Variants in PRKCE observed in about 807,000 individuals in gnomAD.
The protein encoded by PRKCE is protein kinase C epsilon.
In PRKCE, 16 loss-of-function variants were observed where a neutral mutation model predicts 85.4. That is an observed-to-expected ratio of 0.19 (90% CI 0.13 to 0.28). The LOEUF (loss-of-function observed/expected upper bound fraction) is 0.28, where lower values mean the gene tolerates loss of function less well. PRKCE is among the 10% of genes least tolerant of loss of function. The pLI is 1.00. For synonymous variants in PRKCE, 388 were observed against 371.5 expected (o/e 1.04, Z -0.51); for missense variants, 573 against 975.2 (o/e 0.59, Z 5.49).
At chr2:46,060,954 G>A (rs1667058235) in intron 10 of PRKCE, among the ~76,000 whole-genome samples, 2 of 151,654 alleles carry the variant, frequency 1.3e-5, no homozygotes, top group African/African-American at 4.8e-5. Context: ...TAGAGACAGG[G>A]TTTTGTCATG....
intron 10 of PRKCE, among the ~76,000 whole-genome samples, chr2:46,017,696 C>A (rs918863545): frequency 6.6e-6 from 1 of 152,194 alleles, no homozygotes; most frequent in African/African-American, 2.4e-5. Flanking sequence ...GATCTGATTT[C>A]TCTATTACTT....
In PRKCE at chr2:46,185,105, C is replaced by T. The variant is rs545025521; in HGVS notation, c.*224C>T. 1 of 587,014 alleles carries T rather than the reference C, an allele frequency of 1.7e-6. No individual in the cohort carries two copies. The highest frequency in any genetic ancestry group is 3.1e-5 in the Admixed American group (1 of 32,114). The allele number at this position is 587,014 out of a possible 1,614,324, so 36.4% of individuals were successfully genotyped here. A position where few individuals can be genotyped will look rare whatever the true frequency, so the allele number is the denominator to read the frequency against. On this transcript the variant is annotated 3_prime_UTR_variant, in exon 15 of 15. Transcript: ENST00000306156. This position sits in a 1 kb window ranked among gnomAD's most constrained non-coding sequence, Gnocchi z 4.7. ...TCTTGTCTCACCAGTAATGCAGACT[C>T]ATTGGGTCAGCAATTAGCTGTATAC...
intron 1 of PRKCE, among the ~76,000 whole-genome samples, chr2:45,734,073 C>G (rs1203095884): frequency 3.9e-5 from 6 of 152,154 alleles, no homozygotes; most frequent in African/African-American, 1.4e-4. Context: ...CAGTGGAAAA[C>G]ATTAAACCCT....
chr2:46,137,881 C>A (rs1558493407), intron 11 of PRKCE, among the ~76,000 whole-genome samples: 1 of 152,162 alleles, frequency 6.6e-6, no homozygotes, highest in Non-Finnish European at 1.5e-5. Flanking sequence ...CATACCAGTT[C>A]TCCCTCAGTC....
chr2:45,941,241 A>C (rs1165790240), intron 2 of PRKCE, among the ~76,000 whole-genome samples: 1 of 152,136 alleles, frequency 6.6e-6, no homozygotes, highest in Non-Finnish European at 1.5e-5. Context: ...AACCCATTCT[A>C]GTGGCTGAGA....
rs372821336 is a variant in PRKCE at position 45,694,261 on chromosome 2, C to T, written c.348+41813C>T. Among the ~76,000 whole-genome samples, 22 of 151,636 alleles carry T rather than the reference C, an allele frequency of 1.5e-4. No homozygotes were observed. The East Asian group carries it at 2.5e-3, about 17-fold the overall frequency. On this transcript the variant is annotated intron_variant, in intron 1 of 14. Coordinates refer to ENST00000306156, the MANE Select transcript of PRKCE (RefSeq NM_005400.3). ...TAGGAAACGACAGTAGGAGCCTGAGCTGGAAATAGCAATTATTTTCCCTTC... is the reference window on the plus strand; with the variant it reads ...TAGGAAACGACAGTAGGAGCCTGAGTTGGAAATAGCAATTATTTTCCCTTC...
chr2:46,062,732 G>A (rs1333439216), intron 10 of PRKCE, among the ~76,000 whole-genome samples: 1 of 135,032 alleles, frequency 7.4e-6, no homozygotes, highest in South Asian at 2.4e-4. Flanking sequence ...GGAGTGCAGT[G>A]GCACCATCTC....
At position 45,652,077 on chromosome 2, in the gene PRKCE, C is replaced by T. The variant is rs200186038; in HGVS notation, c.-24C>T. On this transcript the variant is annotated 5_prime_UTR_variant, in exon 1 of 15. Coordinates refer to ENST00000306156, the MANE Select transcript of PRKCE (RefSeq NM_005400.3). The surrounding 1 kb of genome is among the most constrained non-coding windows in gnomAD (Gnocchi z 7.7). ...GCCCTCGGGGCAGACGGAGTGACCC[C>T]GGCCCCCACTCCCCGCCCCGACCAT... The T allele has an allele frequency of 1.3e-6, 2 of 1,502,884 alleles. No homozygotes were observed. The highest frequency in any genetic ancestry group is 1.4e-5 in the African/African-American group (1 of 71,790). 93.1% of individuals were successfully genotyped at this position (1,502,884 alleles called of 1,614,324 possible). A position where few individuals can be genotyped will look rare whatever the true frequency, so the allele number is the denominator to read the frequency against.
intron 10 of PRKCE, among the ~76,000 whole-genome samples, chr2:46,053,437 T>A (rs1708977585): frequency 1.3e-5 from 2 of 152,184 alleles, no homozygotes; most frequent in South Asian, 4.1e-4. Context: ...GTCACCACTA[T>A]CCATCTCCAT....
intron 1 of PRKCE, among the ~76,000 whole-genome samples, chr2:45,834,973 A>T (rs1456070139): frequency 6.6e-6 from 1 of 152,236 alleles, no homozygotes; most frequent in South Asian, 2.1e-4. Flanking sequence ...GGATGTGTTT[A>T]TCTTGCTATT....
At chr2:46,169,568 A>G (rs1036802573) in intron 14 of PRKCE, among the ~76,000 whole-genome samples, 1 of 152,170 alleles carries the variant, frequency 6.6e-6, no homozygotes. Context: ...CCAGGGAACT[A>G]TGAAATATAT....
chr2:46,085,515 CTT>C (rs201138628), intron 10 of PRKCE, among the ~76,000 whole-genome samples: 2,168 of 152,236 alleles, frequency 0.014, 61 homozygotes, highest in East Asian at 0.08. Flanking sequence ...GGTTCCGCTC[CTT>C]GCCTCTTCCA....
At chr2:45,926,278 G>A (rs1048523479) in intron 2 of PRKCE, among the ~76,000 whole-genome samples, 1 of 152,190 alleles carries the variant, frequency 6.6e-6, no homozygotes, top group Non-Finnish European at 1.5e-5. Context: ...AGAGGAATAT[G>A]GGCAGAGGGG....
At chr2:45,992,134 A>T (rs545408481) in intron 6 of PRKCE, among the ~76,000 whole-genome samples, 4 of 152,346 alleles carry the variant, frequency 2.6e-5, no homozygotes, top group African/African-American at 9.6e-5. Context: ...TGAGCAATTT[A>T]CAGGCAAGAG....
intron 1 of PRKCE, among the ~76,000 whole-genome samples, chr2:45,668,865 G>A (rs1021615728): frequency 6.6e-6 from 1 of 152,104 alleles, no homozygotes; most frequent in African/African-American, 2.4e-5. Flanking sequence ...TTCAGGGAGG[G>A]GGACGGCCCT....
At chr2:45,781,164 C>T (rs901131678) in intron 1 of PRKCE, among the ~76,000 whole-genome samples, 4 of 150,240 alleles carry the variant, frequency 2.7e-5, no homozygotes, top group Admixed American at 1.3e-4. Flanking sequence ...GAGACCCCCC[C>T]ATCTCTACAA....
At chr2:46,024,554 C>T (rs956278835) in intron 10 of PRKCE, among the ~76,000 whole-genome samples, 1 of 152,058 alleles carries the variant, frequency 6.6e-6, no homozygotes. Flanking sequence ...CACTTGTGTG[C>T]GGGTTGCTAG....
At position 45,661,520 on chromosome 2, in the gene PRKCE, T is replaced by TG. The variant is rs1283232308; in HGVS notation, c.348+9072_348+9073insG. ...GAGTTTTTTTTGTTTTGTTTTGTTT[T>TG]TTGTTTTTTGTTTTTTTTTTTTTTT... On this transcript the variant is annotated intron_variant, in intron 1 of 14. Transcript: ENST00000306156. 2.0e-3 allele frequency among the ~76,000 whole-genome samples: 224 copies of TG among 109,314 alleles called. 3 individuals carry two copies. Among genetic ancestry groups the TG allele is most frequent in the African/African-American group, 6.7e-3 (201 of 30,188 alleles). The allele number at this position is 109,314 out of a possible 152,430, so 71.7% of individuals were successfully genotyped here.
At chr2:46,137,478 C>T (rs11125054) in intron 11 of PRKCE, among the ~76,000 whole-genome samples, 57,248 of 151,652 alleles carry the variant, frequency 0.38, 13,359 homozygotes, top group East Asian at 0.78. Context: ...TTGCTGGGCA[C>T]GGTGGCTCAT....
Sources: gnomAD v4.1 joint callset for allele counts (sites outside exome capture counted in the v4.1 genomes callset) on GRCh38, gnomAD v4.1.1 for gene constraint, Gnocchi (gnomAD v3.1) non-coding constraint, MANE v1.5 for transcripts, NCBI Gene and HGNC (gene_info 2026-07-23, HGNC 2026-07-21) for gene names.